The following COL23A1 variants were observed in gnomAD, a reference collection of about 807,000 sequenced individuals.
COL23A1 encodes the protein collagen alpha-1(XXIII) chain.
A neutral mutation model predicts 99.3 loss-of-function variants in COL23A1; 97 were observed. The observed-to-expected ratio is 0.98, with a 90% CI of 0.83 to 1.16. The LOEUF is 1.16. Ranked by LOEUF, COL23A1 falls within the 50% of genes most tolerant of loss-of-function variation. The probability of loss-of-function intolerance (pLI) is 0.00; values close to 1 mark genes in which losing one functional copy is unlikely to be tolerated. For missense variants in COL23A1, 762 were observed against 757.4 expected (o/e 1.01, Z -0.07); for synonymous variants, 320 against 308.2 (o/e 1.04, Z -0.40).
At chr5:178,251,042 A>G (rs1368523259) in intron 17 of COL23A1, among the ~76,000 whole-genome samples, 2 of 83,278 alleles carry the variant, frequency 2.4e-5, no homozygotes, top group Non-Finnish European at 4.8e-5. Flanking sequence ...TTTTTTTTTG[A>G]GACAGAGTCT....
chr5:178,570,116 T>C (rs1292816637), intron 1 of COL23A1, among the ~76,000 whole-genome samples: 1 of 151,016 alleles, frequency 6.6e-6, no homozygotes, highest in Admixed American at 6.6e-5. Context: ...CTTTTTCTTT[T>C]TTTTTTTTTC....
intron 2 of COL23A1, among the ~76,000 whole-genome samples, chr5:178,386,218 T>C (rs1276039059): frequency 6.6e-6 from 1 of 152,138 alleles, no homozygotes; most frequent in Non-Finnish European, 1.5e-5. Flanking sequence ...GCGGGTGGAT[T>C]GTCTGAGCTC....
chr5:178,367,318 G>A (rs1762539790), intron 2 of COL23A1, among the ~76,000 whole-genome samples: 1 of 152,198 alleles, frequency 6.6e-6, no homozygotes, highest in African/African-American at 2.4e-5. Context: ...GGCCTTGGGT[G>A]GGTCACGCCT....
chr5:178,312,853 T>C (rs1487993893), intron 2 of COL23A1, among the ~76,000 whole-genome samples: 2 of 152,202 alleles, frequency 1.3e-5, no homozygotes, highest in African/African-American at 4.8e-5. Context: ...TTCATTTCTC[T>C]CTACTCTTTT....
intron 2 of COL23A1, among the ~76,000 whole-genome samples, chr5:178,449,138 A>C (rs1767339437): frequency 6.6e-6 from 1 of 152,156 alleles, no homozygotes; most frequent in African/African-American, 2.4e-5. Flanking sequence ...CTGGGATTAC[A>C]GGCCAGAATT....
chr5:178,292,992 A>G lies in COL23A1; in HGVS notation c.407-2623T>C, dbSNP rs528878542. Reference sequence around the variant, plus strand: ...AGAAGACCAGGAACTGGATGTAGCAATGCAGAGGCATGTCCAGGGAGTGAC... The same window carrying G: ...AGAAGACCAGGAACTGGATGTAGCAGTGCAGAGGCATGTCCAGGGAGTGAC... On this transcript the variant is annotated intron_variant, in intron 3 of 28. Transcript: ENST00000390654. 2.0e-4 allele frequency among the ~76,000 whole-genome samples: 30 copies of G among 152,136 alleles called. 1 individual carries two copies. Among genetic ancestry groups the G allele is most frequent in the Admixed American group, 1.4e-3 (22 of 15,252 alleles).
At chr5:178,578,526 A>G (rs1231978441) in intron 1 of COL23A1, among the ~76,000 whole-genome samples, 1 of 152,146 alleles carries the variant, frequency 6.6e-6, no homozygotes, top group Non-Finnish European at 1.5e-5. Flanking sequence ...GGGAGGCCCA[A>G]AGTTGAGTAG....
Position 178,306,759 on chromosome 5 carries a change from C to G in COL23A1, c.406+116G>C. 2.8e-6 allele frequency: 2 copies of G among 720,900 alleles called. No individual in the cohort carries two copies. The highest frequency in any genetic ancestry group is 4.2e-6 in the Non-Finnish European group (2 of 475,524). 44.7% of individuals were successfully genotyped at this position (720,900 alleles called of 1,614,324 possible). ...ACTTGGAAGGGGGAGGAGCACCTGC[C>G]CAGGACCAAGGCATGACTCAGGGTG... On this transcript the variant is annotated intron_variant, in intron 3 of 28. Transcript: ENST00000390654. The surrounding 1 kb of genome is among the most constrained non-coding windows in gnomAD (Gnocchi z 4.1).
At chr5:178,285,198 G>C (rs1757090031) in intron 5 of COL23A1, among the ~76,000 whole-genome samples, 1 of 152,108 alleles carries the variant, frequency 6.6e-6, no homozygotes, top group Non-Finnish European at 1.5e-5. Flanking sequence ...CTCCTATCAG[G>C]TCCACACATG....
chr5:178,392,631 C>T (rs978709209), intron 2 of COL23A1, among the ~76,000 whole-genome samples: 5 of 152,196 alleles, frequency 3.3e-5, no homozygotes, highest in South Asian at 2.1e-4. Context: ...CAGGGTCCAG[C>T]GGACAATGGT....
At chr5:178,318,402 G>C (rs1759091695) in intron 2 of COL23A1, among the ~76,000 whole-genome samples, 1 of 152,214 alleles carries the variant, frequency 6.6e-6, no homozygotes, top group East Asian at 1.9e-4. Context: ...GCCTGGCAGA[G>C]CCCCTCCCCA....
chr5:178,400,775 T>A (rs925662504), intron 2 of COL23A1, among the ~76,000 whole-genome samples: 1 of 152,028 alleles, frequency 6.6e-6, no homozygotes, highest in Non-Finnish European at 1.5e-5. Flanking sequence ...GTACCTGGGA[T>A]TACAGGCACC....
chr5:178,569,814 C>T (rs966729750), intron 1 of COL23A1, among the ~76,000 whole-genome samples: 1 of 152,172 alleles, frequency 6.6e-6, no homozygotes, highest in Non-Finnish European at 1.5e-5. Context: ...GCTCACAGTT[C>T]CCTGCCACAC....
chr5:178,496,853 A>T (rs1266768580), intron 2 of COL23A1, among the ~76,000 whole-genome samples: 1 of 152,240 alleles, frequency 6.6e-6, no homozygotes, highest in Non-Finnish European at 1.5e-5. Context: ...CCTGGCACTC[A>T]ATTCTGAAAG....
intron 1 of COL23A1, among the ~76,000 whole-genome samples, chr5:178,571,522 T>C (rs1763094853): frequency 6.6e-6 from 1 of 152,126 alleles, no homozygotes; most frequent in South Asian, 2.1e-4. Flanking sequence ...GACCAAACTA[T>C]TTCCAGCCCA....
chr5:178,547,954 CCACACACCTA>C (rs1761779799), intron 2 of COL23A1, among the ~76,000 whole-genome samples: 1 of 103,788 alleles, frequency 9.6e-6, no homozygotes, highest in Non-Finnish European at 2.0e-5. Flanking sequence ...CCACACACAC[CCACACACCTA>C]CACCCACATA....
intron 1 of COL23A1, among the ~76,000 whole-genome samples, chr5:178,571,266 G>A (rs1299972504): frequency 1.3e-5 from 2 of 152,142 alleles, no homozygotes; most frequent in African/African-American, 4.8e-5. Flanking sequence ...GGAGGCTGAG[G>A]CAGGAGAATC....
At chr5:178,291,036 C>T (rs986553440) in intron 3 of COL23A1, among the ~76,000 whole-genome samples, 8 of 152,248 alleles carry the variant, frequency 5.3e-5, no homozygotes, top group Non-Finnish European at 7.3e-5. Context: ...AACATCTCCA[C>T]TGGACAGCTG....
intron 2 of COL23A1, among the ~76,000 whole-genome samples, chr5:178,375,861 C>A (rs1043096643): frequency 1.3e-5 from 2 of 152,318 alleles, no homozygotes; most frequent in Non-Finnish European, 1.5e-5. Flanking sequence ...GCGCCTGCCA[C>A]CATGTCTGGC....
Sources: allele counts gnomAD v4.1 joint callset (sites outside exome capture counted in the v4.1 genomes callset), GRCh38; gene constraint gnomAD v4.1.1; non-coding constraint Gnocchi (gnomAD v3.1); transcripts MANE v1.5; gene names NCBI Gene and HGNC (gene_info 2026-07-23, HGNC 2026-07-21).